Variants in CTIF observed in about 807,000 individuals in gnomAD.
The protein encoded by CTIF is cap binding complex dependent translation initiation factor.
In CTIF, 21 loss-of-function variants were observed where a neutral mutation model predicts 66.0. That is an observed-to-expected ratio of 0.32 (90% CI 0.23 to 0.46). CTIF has a LOEUF of 0.46. Ranked by LOEUF, CTIF falls within the 20% of genes least tolerant of loss-of-function variation. The pLI is 1.00. For synonymous variants in CTIF, 345 were observed against 326.4 expected (o/e 1.06, Z -0.62); for missense variants, 739 against 812.7 (o/e 0.91, Z 1.10).
At chr18:48,622,387 G>A (rs1266152439) in intron 2 of CTIF, among the ~76,000 whole-genome samples, 1 of 152,050 alleles carries the variant, frequency 6.6e-6, no homozygotes. Context: ...GTGTGGGGGA[G>A]AGGGAGAGGC....
chr18:48,749,285 G>T (rs1907560281), intron 7 of CTIF, among the ~76,000 whole-genome samples: 1 of 152,224 alleles, frequency 6.6e-6, no homozygotes, highest in Admixed American at 6.5e-5. Flanking sequence ...CGAATGGCCA[G>T]GCTTTGGGCT....
intron 1 of CTIF, among the ~76,000 whole-genome samples, chr18:48,557,457 AAGCCTGGC>A (rs1334429065): frequency 6.6e-6 from 1 of 152,202 alleles, no homozygotes; most frequent in Non-Finnish European, 1.5e-5. Flanking sequence ...GGCATGAAAG[AAGCCTGGC>A]AGCTTTGGCC....
At chr18:48,719,536 A>G (rs1598921329) in intron 7 of CTIF, among the ~76,000 whole-genome samples, 2 of 152,318 alleles carry the variant, frequency 1.3e-5, no homozygotes, top group Non-Finnish European at 1.5e-5. Flanking sequence ...ATATTTGCAC[A>G]TTCGCCTACT....
chr18:48,838,962 C>G (rs554200936), intron 10 of CTIF, among the ~76,000 whole-genome samples: 3 of 152,162 alleles, frequency 2.0e-5, no homozygotes, highest in Non-Finnish European at 4.4e-5. Context: ...GTCTTCTGCT[C>G]CCCAAGCCTG....
intron 2 of CTIF, among the ~76,000 whole-genome samples, chr18:48,632,223 A>G (rs2090731502): frequency 1.3e-5 from 2 of 152,142 alleles, no homozygotes; most frequent in South Asian, 2.1e-4. Context: ...CTCTGGGGCT[A>G]CTGCTGGGCT....
intron 10 of CTIF, among the ~76,000 whole-genome samples, chr18:48,819,705 A>G (rs1053911765): frequency 1.3e-4 from 20 of 152,380 alleles, no homozygotes; most frequent in African/African-American, 4.1e-4. Flanking sequence ...GTAAACTTGA[A>G]GAATAAATAA....
intron 1 of CTIF, among the ~76,000 whole-genome samples, chr18:48,576,717 C>T (rs1157955924): frequency 6.6e-6 from 1 of 152,198 alleles, no homozygotes; most frequent in African/African-American, 2.4e-5. Flanking sequence ...ACTAAGAAAG[C>T]AGAGAATAAA....
At chr18:48,712,326 T>A (rs1222809750) in intron 7 of CTIF, among the ~76,000 whole-genome samples, 2 of 152,200 alleles carry the variant, frequency 1.3e-5, no homozygotes, top group Non-Finnish European at 2.9e-5. Context: ...TAGCCCTGGA[T>A]AAGAACATGC....
chr18:48,568,434 G>A (rs2143594878), intron 1 of CTIF: 1 of 151,962 alleles, frequency 6.6e-6, no homozygotes, highest in Admixed American at 6.5e-5. Context: ...GGTGAGACAG[G>A]GCCCTGACAG....
At chr18:48,726,925 G>C (rs997627920) in intron 7 of CTIF, among the ~76,000 whole-genome samples, 7 of 152,032 alleles carry the variant, frequency 4.6e-5, no homozygotes, top group Non-Finnish European at 8.8e-5. Context: ...TTTGATTATA[G>C]CATCAGCTCC....
At chr18:48,572,182 G>A (rs1297516944) in intron 1 of CTIF, among the ~76,000 whole-genome samples, 1 of 150,226 alleles carries the variant, frequency 6.7e-6, no homozygotes, top group Non-Finnish European at 1.5e-5. Flanking sequence ...GTCTTTGCTC[G>A]TGGGGCCTTC....
At chr18:48,632,724 G>A (rs953691116) in intron 2 of CTIF, among the ~76,000 whole-genome samples, 2 of 152,080 alleles carry the variant, frequency 1.3e-5, no homozygotes, top group Non-Finnish European at 1.5e-5. Context: ...GGAACCCTGG[G>A]TTGCCTGCTT....
At chr18:48,711,732 T>C in intron 7 of CTIF, 37 bp downstream of exon 7, 1 of 1,562,302 alleles carries the variant, frequency 6.4e-7, no homozygotes, top group South Asian at 1.1e-5. Flanking sequence ...GGGTTTTCCT[T>C]TCCTGCTTCT....
chr18:48,610,165 C>T (rs2090279940), intron 1 of CTIF, among the ~76,000 whole-genome samples: 1 of 152,094 alleles, frequency 6.6e-6, no homozygotes, highest in East Asian at 1.9e-4. Flanking sequence ...CAATACCAGG[C>T]AAAAACCTAT....
intron 1 of CTIF, among the ~76,000 whole-genome samples, chr18:48,612,780 A>AGCCCCCTGCAGCCCCACCTGG (rs2090330118): frequency 6.6e-6 from 1 of 152,144 alleles, no homozygotes; most frequent in Non-Finnish European, 1.5e-5. Flanking sequence ...TCACCAAGCA[A>AGCCCCCTGCAGCCCCACCTGG]GCCCCCTGCA....
At chr18:48,759,665 A>G (rs970037129) in intron 8 of CTIF, among the ~76,000 whole-genome samples, 2 of 152,212 alleles carry the variant, frequency 1.3e-5, no homozygotes, top group South Asian at 4.1e-4. Flanking sequence ...TGTTAATACT[A>G]CACACCTTGC....
At chr18:48,590,902 A>G (rs1486888226) in intron 1 of CTIF, among the ~76,000 whole-genome samples, 1 of 151,658 alleles carries the variant, frequency 6.6e-6, no homozygotes, top group Admixed American at 6.6e-5. Flanking sequence ...AGGAACTTGG[A>G]CAACAGCCAT....
intron 2 of CTIF, among the ~76,000 whole-genome samples, chr18:48,633,699 C>CTAAATAAATAAA (rs1157532834): frequency 9.0e-6 from 1 of 111,154 alleles, no homozygotes; most frequent in African/African-American, 4.8e-5. Context: ...GAGCCTCCAT[C>CTAAATAAATAAA]TCAATAAATA....
chr18:48,631,011 G>C (rs1450986178), intron 2 of CTIF, among the ~76,000 whole-genome samples: 3 of 152,188 alleles, frequency 2.0e-5, no homozygotes, highest in African/African-American at 4.8e-5. Flanking sequence ...TTGATATCTG[G>C]TAGGGCTGGT....
Sources: gnomAD v4.1 joint callset for allele counts (sites outside exome capture counted in the v4.1 genomes callset) on GRCh38, gnomAD v4.1.1 for gene constraint, MANE v1.5 for transcripts, NCBI Gene and HGNC (gene_info 2026-07-23, HGNC 2026-07-21) for gene names.